Variants in WDR70 observed in about 807,000 individuals in gnomAD.
WDR70 encodes the protein WD repeat-containing protein 70.
A neutral mutation model predicts 88.6 loss-of-function variants in WDR70; 53 were observed. That is an observed-to-expected ratio of 0.60 (90% confidence interval 0.48 to 0.75). The LOEUF is 0.75. Ranked by LOEUF, WDR70 falls within the 30% of genes least tolerant of loss-of-function variation. The pLI is 0.00. For synonymous variants in WDR70, 280 were observed against 270.0 expected (o/e 1.04, Z -0.36); for missense variants, 610 against 823.2 (o/e 0.74, Z 3.17).
chr5:37,569,292 T>G (rs1488839374), intron 9 of WDR70, among the ~76,000 whole-genome samples: 1 of 152,196 alleles, frequency 6.6e-6, no homozygotes, highest in Non-Finnish European at 1.5e-5. Context: ...GGTCTTAGAA[T>G]GTGTGTCCTT....
At chr5:37,488,989 G>A (rs965239821) in intron 8 of WDR70, among the ~76,000 whole-genome samples, 10 of 152,198 alleles carry the variant, frequency 6.6e-5, no homozygotes, top group Non-Finnish European at 2.9e-5. Flanking sequence ...TGTTGGTTAG[G>A]TAGGGCGCTT....
rs1467484286 is a variant in WDR70, at chr5:37,642,254, T to C, written c.1092+37016T>C. 4.6e-5 allele frequency among the ~76,000 whole-genome samples: 7 copies of C among 152,300 alleles called. No homozygotes were observed. The East Asian group carries it at 1.2e-3, about 25-fold the overall frequency. ...CTGCTCCCTTCTATATTAACTCTAT[T>C]TTTTCTTTCCAAATGCTTAGTAAGT... On this transcript the variant is annotated intron_variant, in intron 10 of 17. Transcript: ENST00000265107.
At chr5:37,667,051 G>A (rs1182399737) in intron 10 of WDR70, among the ~76,000 whole-genome samples, 1 of 152,140 alleles carries the variant, frequency 6.6e-6, no homozygotes, top group Non-Finnish European at 1.5e-5. Flanking sequence ...GGTAACAAGT[G>A]ACTGGTAGGT....
intron 10 of WDR70, among the ~76,000 whole-genome samples, chr5:37,653,590 G>A (rs142051751): frequency 1.3e-5 from 2 of 152,060 alleles, no homozygotes; most frequent in Non-Finnish European, 2.9e-5. Flanking sequence ...TGGTTAGTAG[G>A]CTATTAATTA....
chr5:37,707,118 T>C (rs1200987656), intron 13 of WDR70, among the ~76,000 whole-genome samples: 1 of 152,230 alleles, frequency 6.6e-6, no homozygotes, highest in Non-Finnish European at 1.5e-5. Flanking sequence ...AGCTTGGTAG[T>C]TTTTCAACAA....
chr5:37,526,255 T>C (rs1741267798), intron 9 of WDR70, among the ~76,000 whole-genome samples: 1 of 152,100 alleles, frequency 6.6e-6, no homozygotes, highest in Admixed American at 6.6e-5. Context: ...ACAAACCGAA[T>C]CCAGCAGCCC....
At chr5:37,677,228 A>G (rs1248113759) in intron 10 of WDR70, among the ~76,000 whole-genome samples, 2 of 151,548 alleles carry the variant, frequency 1.3e-5, no homozygotes, top group Non-Finnish European at 2.9e-5. Context: ...TTGTGTCTCT[A>G]TTTCCTTCAG....
intron 10 of WDR70, among the ~76,000 whole-genome samples, chr5:37,642,140 C>T (rs1745121283): frequency 6.6e-6 from 1 of 152,088 alleles, no homozygotes; most frequent in South Asian, 2.1e-4. Context: ...CTGAGATCAG[C>T]TAACTGGTGA....
At chr5:37,569,306 AG>A (rs1742834419) in intron 9 of WDR70, among the ~76,000 whole-genome samples, 1 of 152,252 alleles carries the variant, frequency 6.6e-6, no homozygotes, top group Admixed American at 6.5e-5. Flanking sequence ...TGTCCTTGGA[AG>A]GGGTGGGAAG....
Position 37,561,172 on chromosome 5 carries a change from G to T in WDR70, c.918-43892G>T, listed in dbSNP as rs73061771. On this transcript the variant is annotated intron_variant, in intron 9 of 17. Coordinates refer to ENST00000265107, the MANE Select transcript of WDR70 (RefSeq NM_018034.4). ...GACTGTGATTGGCTATTACAGACTT[G>T]CCATGTCTCGTTTCACTGGTATTAC... Among the ~76,000 whole-genome samples the T allele has an allele frequency of 8.7e-3, 1,318 of 152,192 alleles. 23 individuals are homozygous for T. Among genetic ancestry groups the T allele is most frequent in the African/African-American group, 0.03 (1,247 of 41,522 alleles).
At chr5:37,631,667 C>G (rs1004648851) in intron 10 of WDR70, among the ~76,000 whole-genome samples, 8 of 152,132 alleles carry the variant, frequency 5.3e-5, no homozygotes, top group African/African-American at 1.9e-4. Context: ...AGTCTGGCTC[C>G]AGGGTCTGTA....
At position 37,422,313 on chromosome 5, in the gene WDR70, A is replaced by C. The variant is rs531814479; in HGVS notation, c.493-15609A>C. Among the ~76,000 whole-genome samples the C allele has an allele frequency of 1.3e-3, 189 of 148,878 alleles. 2 individuals are homozygous for C. Among genetic ancestry groups the C allele is most frequent in the Non-Finnish European group, 5.9e-4 (40 of 67,472 alleles). ...TTTTTTCTTTTTTTTTTTTTGAGAC[A>C]GAGTCTCACTCTGTCGCCCAGGCCG... is the stretch of plus-strand genomic sequence containing the variant. On this transcript the variant is annotated intron_variant, in intron 5 of 17. Transcript: ENST00000265107.
intron 9 of WDR70, among the ~76,000 whole-genome samples, chr5:37,553,436 A>G (rs1250799619): frequency 6.6e-6 from 1 of 152,126 alleles, no homozygotes; most frequent in Non-Finnish European, 1.5e-5. Flanking sequence ...TGCTTTTTCA[A>G]ACTGAATGTT....
At chr5:37,388,168 A>G (rs1360249135) in intron 3 of WDR70, among the ~76,000 whole-genome samples, 6 of 151,842 alleles carry the variant, frequency 4.0e-5, no homozygotes, top group African/African-American at 1.2e-4. Context: ...CGCCCAGGCT[A>G]GAGTGCAATG....
intron 7 of WDR70, among the ~76,000 whole-genome samples, chr5:37,462,341 C>A (rs954305621): frequency 4.6e-5 from 7 of 152,076 alleles, no homozygotes; most frequent in Admixed American, 3.3e-4. Context: ...CTCGCTCATT[C>A]GCCCAGGCTG....
At chr5:37,510,401 G>A (rs916946097) in intron 8 of WDR70, among the ~76,000 whole-genome samples, 3 of 152,118 alleles carry the variant, frequency 2.0e-5, no homozygotes, top group African/African-American at 7.2e-5. Context: ...TAAACGTCAT[G>A]CTCTTTTACT....
chr5:37,562,593 G>A (rs1000929662), intron 9 of WDR70, among the ~76,000 whole-genome samples: 64 of 152,270 alleles, frequency 4.2e-4, no homozygotes, highest in Non-Finnish European at 7.9e-4. Context: ...GCGGCCTTCC[G>A]GCCTTCCGCA....
rs183194383 is a variant in WDR70 at position 37,691,996 on chromosome 5, A to G, written c.1093-5659A>G. Among the ~76,000 whole-genome samples, 47 of 152,312 alleles carry G rather than the reference A, an allele frequency of 3.1e-4. No homozygotes were observed. In the East Asian group the frequency reaches 8.7e-3, roughly 28 times the overall value. ...AGAAGAAAAGAGAGAAGAATCAAAT[A>G]GACACAATAAAAAATGATAAAGGGG... On this transcript the variant is annotated intron_variant, in intron 10 of 17. Transcript: ENST00000265107.
At chr5:37,751,199 C>T (rs1748798058) in intron 17 of WDR70, among the ~76,000 whole-genome samples, 1 of 152,156 alleles carries the variant, frequency 6.6e-6, no homozygotes, top group South Asian at 2.1e-4. Context: ...ATGTAATAAG[C>T]ACCAATTGCC....
Sources: gnomAD v4.1 joint callset for allele counts (sites outside exome capture counted in the v4.1 genomes callset) on GRCh38, gnomAD v4.1.1 for gene constraint, MANE v1.5 for transcripts, NCBI Gene and HGNC (gene_info 2026-07-23, HGNC 2026-07-21) for gene names.